The following DRC2 variants were observed in gnomAD, a reference collection of about 807,000 sequenced individuals.
DRC2 encodes coiled-coil domain containing 65.
At chr12:48,920,965 G>A in the DRC2 span, 3 of 1,613,618 alleles carry the variant, frequency 1.9e-6, no homozygotes, top group Admixed American at 5.0e-5. Context: ...AAATATGTAG[G>A]AAATTTGAAA....
the DRC2 span, among the ~76,000 whole-genome samples, chr12:48,911,071 T>G: frequency 2.7e-4 from 41 of 152,334 alleles, no homozygotes; most frequent in Admixed American, 1.4e-3. Flanking sequence ...CGCATAGTAT[T>G]CTGTATTGCA....
chr12:48,906,817 C>T, the DRC2 span, among the ~76,000 whole-genome samples: 1 of 151,658 alleles, frequency 6.6e-6, no homozygotes, highest in African/African-American at 2.4e-5. Context: ...CCACCTGCCT[C>T]GGCCTCCCAA....
At chr12:48,920,343 AG>A in the DRC2 span, among the ~76,000 whole-genome samples, 1 of 144,254 alleles carries the variant, frequency 6.9e-6, no homozygotes, top group Non-Finnish European at 1.5e-5. Context: ...CGGGAAGCTG[AG>A]GCAGGAGAAT....
the DRC2 span, chr12:48,918,840 C>T: frequency 1.9e-6 from 3 of 1,614,024 alleles, no homozygotes; most frequent in African/African-American, 2.7e-5. Flanking sequence ...CCCAGAAGAA[C>T]TTAGTCAGAC....
the DRC2 span, among the ~76,000 whole-genome samples, chr12:48,913,247 T>G: frequency 6.6e-6 from 1 of 151,958 alleles, no homozygotes; most frequent in African/African-American, 2.4e-5. Context: ...GCTACATCAC[T>G]GCAAATGTTA....
At chr12:48,913,730 C>A in the DRC2 span, among the ~76,000 whole-genome samples, 6 of 151,898 alleles carry the variant, frequency 4.0e-5, no homozygotes, top group Non-Finnish European at 8.8e-5. Context: ...CTCCTGACCT[C>A]ATGATCCACC....
the DRC2 span, among the ~76,000 whole-genome samples, chr12:48,910,075 C>T: frequency 2.6e-5 from 4 of 152,296 alleles, no homozygotes; most frequent in South Asian, 4.1e-4. Flanking sequence ...CCACCATGCC[C>T]GGCCATCCTG....
At chr12:48,916,076 T>G in the DRC2 span, among the ~76,000 whole-genome samples, 1 of 133,686 alleles carries the variant, frequency 7.5e-6, no homozygotes, top group Non-Finnish European at 1.6e-5. Context: ...ACTTCCCAGA[T>G]GGGATGGCGG....
the DRC2 span, chr12:48,921,207 AG>A: frequency 6.2e-7 from 1 of 1,614,158 alleles, no homozygotes; most frequent in Non-Finnish European, 8.5e-7. Context: ...TTTCTGGAAA[AG>A]GTACAACAAA....
At chr12:48,907,139 C>T in the DRC2 span, among the ~76,000 whole-genome samples, 6 of 152,078 alleles carry the variant, frequency 3.9e-5, no homozygotes, top group Admixed American at 6.5e-5. Context: ...GGCGTGAACC[C>T]GGGAGGTGGA....
the DRC2 span, among the ~76,000 whole-genome samples, chr12:48,909,674 C>T: frequency 5.9e-5 from 9 of 151,936 alleles, no homozygotes; most frequent in East Asian, 1.9e-4. Context: ...TACGGGGTTT[C>T]GCCATGTTGG....
At chr12:48,920,849 G>T in the DRC2 span, 3 of 1,388,082 alleles carry the variant, frequency 2.2e-6, no homozygotes, top group Non-Finnish European at 2.9e-6. Flanking sequence ...AGCTTCCCTG[G>T]GTTCAAACAG....
At chr12:48,921,498 A>T in the DRC2 span, 2 of 1,533,612 alleles carry the variant, frequency 1.3e-6, no homozygotes, top group Non-Finnish European at 1.7e-6. Flanking sequence ...TAAGGAAAAA[A>T]ATCTTTCAAC....
chr12:48,913,753 C>A, the DRC2 span, among the ~76,000 whole-genome samples: 1 of 151,990 alleles, frequency 6.6e-6, no homozygotes, highest in Non-Finnish European at 1.5e-5. Context: ...CCTTGGCCTC[C>A]CAAAGTGCTG....
the DRC2 span, chr12:48,905,126 T>C: frequency 6.3e-7 from 1 of 1,580,816 alleles, no homozygotes; most frequent in East Asian, 2.3e-5. Context: ...AGGCACTCTT[T>C]CCAAGGAAAC....
chr12:48,917,070 C>A, the DRC2 span: 1 of 1,614,112 alleles, frequency 6.2e-7, no homozygotes, highest in African/African-American at 1.3e-5. Flanking sequence ...TGAAAGCAAG[C>A]TGGAGTTCCA....
chr12:48,906,034 G>A, the DRC2 span, among the ~76,000 whole-genome samples: 153 of 152,274 alleles, frequency 1.0e-3, 1 homozygote, highest in African/African-American at 3.6e-3. Context: ...GCCTCCCAAA[G>A]TGCTGGGATT....
chr12:48,918,661 C>G, the DRC2 span: 1 of 1,604,068 alleles, frequency 6.2e-7, no homozygotes, highest in South Asian at 1.1e-5. Flanking sequence ...AGTAGATTTC[C>G]CCTAATCTAC....
chr12:48,918,842 T>TA, the DRC2 span: 9 of 1,614,002 alleles, frequency 5.6e-6, no homozygotes, highest in Non-Finnish European at 7.6e-6. Context: ...CAGAAGAACT[T>TA]AGTCAGACTC....
Sources: allele counts gnomAD v4.1 joint callset (sites outside exome capture counted in the v4.1 genomes callset), GRCh38; gene constraint gnomAD v4.1.1; transcripts MANE v1.5; gene names NCBI Gene and HGNC (gene_info 2026-07-23, HGNC 2026-07-21).